ALKBH1: variants seen among roughly 807,000 people sequenced by gnomAD.
ALKBH1 encodes nucleic acid dioxygenase ALKBH1.
ALKBH1 carries 31 observed loss-of-function variants against 36.6 expected under a neutral mutation model. The ratio of observed to expected loss-of-function variants is 0.85; its 90% CI spans 0.64 to 1.14. ALKBH1 has a LOEUF of 1.14. Ranked by LOEUF, ALKBH1 falls within the 50% of genes most tolerant of loss-of-function variation. ALKBH1 has a pLI of 0.00. For missense variants in ALKBH1, 490 were observed against 497.3 expected, an observed-to-expected ratio of 0.99 and a Z score of 0.14; for synonymous variants, 183 against 186.6, an observed-to-expected ratio of 0.98 and a Z score of 0.16.
At chr14:77,704,855 T>C (rs1418736488) in intron 1 of ALKBH1, among the ~76,000 whole-genome samples, 1 of 152,218 alleles carries the variant, frequency 6.6e-6, no homozygotes, top group Non-Finnish European at 1.5e-5. Flanking sequence ...ATAGTAACAG[T>C]AGAGTCACCC....
intron 5 of ALKBH1, among the ~76,000 whole-genome samples, chr14:77,675,014 T>C (rs72685244): frequency 0.17 from 25,376 of 152,034 alleles, 2,442 homozygotes; most frequent in Non-Finnish European, 0.22. Context: ...ACAAGGAGAG[T>C]AAACTACTCA....
chr14:77,675,245 C>T (rs962848118), intron 5 of ALKBH1, among the ~76,000 whole-genome samples: 13 of 151,006 alleles, frequency 8.6e-5, no homozygotes, highest in African/African-American at 3.2e-4. Context: ...CCAGCCTGGG[C>T]AACACGATGA....
At position 77,700,939 on chromosome 14, in the gene ALKBH1, A is replaced by T. The variant is rs149505483; in HGVS notation, c.292+3430T>A. 7.7e-3 allele frequency among the ~76,000 whole-genome samples: 1,171 copies of T among 152,164 alleles called. 13 individuals carry two copies. The highest frequency in any genetic ancestry group is 0.027 in the African/African-American group (1,101 of 41,512). On this transcript the variant is annotated intron_variant, in intron 2 of 5. Transcript: ENST00000216489. ...CCCATCTCTACAAAAAATAAATAAA[A>T]AAAAAATTAGCTGGACATGGTGGTG...
chr14:77,683,331 T>A, intron 3 of ALKBH1: 1 of 735,156 alleles, frequency 1.4e-6, no homozygotes. Flanking sequence ...TCTCTTTGGG[T>A]TCTTTTTCTG....
At chr14:77,703,744 C>T (rs1381291655) in intron 2 of ALKBH1, among the ~76,000 whole-genome samples, 17 of 151,762 alleles carry the variant, frequency 1.1e-4, no homozygotes, top group Admixed American at 7.2e-4. Flanking sequence ...ATTACAGGCA[C>T]GCACCACCAT....
At chr14:77,706,104 C>CATATATAT (rs72210300) in intron 1 of ALKBH1, among the ~76,000 whole-genome samples, 17 of 147,408 alleles carry the variant, frequency 1.2e-4, no homozygotes, top group Non-Finnish European at 2.0e-4. Flanking sequence ...TATACACACA[C>CATATATAT]ACATATATAT....
At chr14:77,706,257 C>T (rs940800961) in intron 1 of ALKBH1, among the ~76,000 whole-genome samples, 1 of 152,066 alleles carries the variant, frequency 6.6e-6, no homozygotes, top group African/African-American at 2.4e-5. Flanking sequence ...AACCCTCTGA[C>T]AGTACTATCA....
rs747276077 is a variant in ALKBH1 at position 77,675,834 on chromosome 14, G to C, written c.562C>G (p.His188Asp). 6.2e-7 allele frequency: 1 copy of C among 1,613,092 alleles called. No individual in the cohort carries two copies. Residue 188 changes from histidine (H) to aspartate (D), a missense_variant, in exon 5 of 6, where the codon CAT becomes GAT. By Grantham distance (81) the His-to-Asp change is moderately conservative. Transcript: ENST00000216489. ...AGGTCAGAAGGGAAAGGTGTGTAAT[G>C]ATCTGCTGAGTATTTCTTTGGTAAA... ...NWDSKKYSADHYTPFPSDLGF... is the reference protein window; with the variant it reads ...NWDSKKYSADDYTPFPSDLGF...
At chr14:77,706,106 C>CATATAT (rs3079582) in intron 1 of ALKBH1, among the ~76,000 whole-genome samples, 42 of 150,810 alleles carry the variant, frequency 2.8e-4, no homozygotes, top group South Asian at 8.4e-4. Context: ...TACACACACA[C>CATATAT]ATATATATAT....
At chr14:77,681,038 T>C (rs567569287) in intron 3 of ALKBH1, among the ~76,000 whole-genome samples, 1 of 152,226 alleles carries the variant, frequency 6.6e-6, no homozygotes, top group South Asian at 2.1e-4. Context: ...TCTAAAAATA[T>C]GAGAATGGTA....
chr14:77,680,924 C>T (rs1345409250), intron 3 of ALKBH1, among the ~76,000 whole-genome samples: 1 of 152,092 alleles, frequency 6.6e-6, no homozygotes, highest in Non-Finnish European at 1.5e-5. Flanking sequence ...GATCCGCCTG[C>T]CTCGGCCTCC....
chr14:77,680,907 C>T (rs144595707), intron 3 of ALKBH1, among the ~76,000 whole-genome samples: 1 of 151,972 alleles, frequency 6.6e-6, no homozygotes, highest in African/African-American at 2.4e-5. Context: ...AACTCCTGAC[C>T]TCAGGTGATC....
rs565873201 is a variant in ALKBH1 at position 77,687,338 on chromosome 14, G to C, written c.456-7368C>G. Among the ~76,000 whole-genome samples the C allele has an allele frequency of 2.6e-5, 4 of 152,206 alleles. No homozygotes were observed. In the South Asian group the frequency reaches 8.3e-4, roughly 32 times the overall value. ...CCTCTGAGGCCTTTCTCCATTAATA[G>C]AATGTTTCTTCTCATACTTTCAAGT... On this transcript the variant is annotated intron_variant, in intron 3 of 5. Transcript: ENST00000216489.
At chr14:77,683,959 T>C (rs1319636067) in intron 3 of ALKBH1, 4 of 153,310 alleles carry the variant, frequency 2.6e-5, no homozygotes, top group African/African-American at 9.6e-5. Context: ...ATCTATCAGG[T>C]ACTTCTCCTC....
intron 2 of ALKBH1, among the ~76,000 whole-genome samples, chr14:77,700,853 C>T (rs1235824604): frequency 3.3e-5 from 5 of 151,842 alleles, no homozygotes; most frequent in South Asian, 2.1e-4. Flanking sequence ...TCTGGGAGGC[C>T]GAGGCAGGGG....
chr14:77,686,279 G>C (rs76700974), intron 3 of ALKBH1, among the ~76,000 whole-genome samples: 1 of 152,300 alleles, frequency 6.6e-6, no homozygotes, highest in Non-Finnish European at 1.5e-5. Flanking sequence ...ATCACTGAAG[G>C]GGGTGGGTTG....
intron 3 of ALKBH1, among the ~76,000 whole-genome samples, chr14:77,690,174 C>CA (rs879401390): frequency 2.3e-4 from 31 of 136,892 alleles, no homozygotes; most frequent in South Asian, 1.4e-3. Flanking sequence ...ACAGCCTGTA[C>CA]AAAAAAAAAA....
At position 77,672,654 on chromosome 14, in the gene ALKBH1, C is replaced by G. The variant is rs898036424; in HGVS notation, c.*1158G>C. On this transcript the variant is annotated 3_prime_UTR_variant, in exon 6 of 6. Transcript: ENST00000216489. Reference sequence around the variant, plus strand: ...CACATCATGTTTGTAGAAAGGAGCACTTAATTCTCTTTCAAATACCAATAT... The same window carrying G: ...CACATCATGTTTGTAGAAAGGAGCAGTTAATTCTCTTTCAAATACCAATAT... 6.6e-6 allele frequency: 1 copy of G among 152,268 alleles called. No homozygotes were observed. Among genetic ancestry groups the G allele is most frequent in the South Asian group, 2.1e-4 (1 of 4,824 alleles). The allele number at this position is 152,268 out of a possible 1,614,324, so 9.4% of individuals were successfully genotyped here.
At chr14:77,683,026 G>A (rs1374565941) in intron 3 of ALKBH1, among the ~76,000 whole-genome samples, 2 of 151,732 alleles carry the variant, frequency 1.3e-5, no homozygotes, top group Non-Finnish European at 2.9e-5. Flanking sequence ...AAACAAAAAA[G>A]AAAAATATAG....
Sources: allele counts gnomAD v4.1 joint callset (sites outside exome capture counted in the v4.1 genomes callset), GRCh38; gene constraint gnomAD v4.1.1; transcripts MANE v1.5; gene names NCBI Gene and HGNC (gene_info 2026-07-23, HGNC 2026-07-21).